Variants in MEGF11 observed in about 807,000 individuals in gnomAD.
MEGF11 encodes the protein multiple epidermal growth factor-like domains protein 11.
MEGF11 carries 126 observed loss-of-function variants against 146.6 expected under a neutral mutation model. The ratio of observed to expected loss-of-function variants is 0.86; its 90% CI spans 0.74 to 1.00. The LOEUF is 1.00. Among genes scored for constraint, MEGF11 ranks in the 50% least tolerant of loss-of-function variants. MEGF11 has a pLI of 0.00. For missense variants in MEGF11, 1,509 were observed against 1,521.2 expected, an observed-to-expected ratio of 0.99 and a Z score of 0.13; for synonymous variants, 532 against 583.4, an observed-to-expected ratio of 0.91 and a Z score of 1.27.
intron 1 of MEGF11, among the ~76,000 whole-genome samples, chr15:66,152,653 G>T (rs1354153079): frequency 6.6e-6 from 1 of 152,216 alleles, no homozygotes; most frequent in East Asian, 1.9e-4. Flanking sequence ...TCTCTGTGGA[G>T]AGAAGCACTG....
In MEGF11 at chr15:65,909,066, T is replaced by C; in HGVS notation, c.2966A>G (p.His989Arg). 4 of 1,534,562 alleles carry C rather than the reference T, an allele frequency of 2.6e-6. No individual in the cohort carries two copies. The highest frequency in any genetic ancestry group is 3.5e-6 in the Non-Finnish European group (4 of 1,146,402). Reference protein sequence around the residue: ...PPEDFYIELRHLSRPAEPHSP... With the variant: ...PPEDFYIELRRLSRPAEPHSP... ...GTGTGGCTCAGCGGGGCGGCTGAGG[T>C]GTCTAAGTTCAATGTAGAAGTCCTC... Residue 989 changes from histidine (H) to arginine (R), a missense_variant, in exon 23 of 26, where the codon CAC becomes CGC. By Grantham distance (29) the His-to-Arg change is conservative. Coordinates refer to ENST00000395614, the MANE Select transcript of MEGF11 (RefSeq NM_001385028.1).
intron 5 of MEGF11, among the ~76,000 whole-genome samples, chr15:66,069,675 C>T (rs1196876938): frequency 2.0e-5 from 3 of 152,166 alleles, no homozygotes; most frequent in African/African-American, 4.8e-5. Context: ...TAGTATCATC[C>T]TAGGTGATGG....
At chr15:65,967,741 G>A (rs938924465) in intron 8 of MEGF11, among the ~76,000 whole-genome samples, 20 of 152,140 alleles carry the variant, frequency 1.3e-4, no homozygotes, top group Non-Finnish European at 2.5e-4. Flanking sequence ...GACGGTGACT[G>A]GGGTCTGGCC....
chr15:65,957,469 G>T (rs333569), intron 10 of MEGF11, 78 bp downstream of exon 10: 1,240,078 of 1,418,832 alleles, frequency 0.87, 551,055 homozygotes, highest in Non-Finnish European at 0.92. Context: ...CAGGGCCACA[G>T]TCCTGATTGC....
At chr15:65,922,035 C>T (rs1321351627) in intron 15 of MEGF11, 1 of 398,952 alleles carries the variant, frequency 2.5e-6, no homozygotes, top group African/African-American at 2.1e-5. Flanking sequence ...TGATGCAGAT[C>T]TCTGTGCTTG....
intron 1 of MEGF11, among the ~76,000 whole-genome samples, chr15:66,156,498 G>A (rs2089762486): frequency 6.6e-6 from 1 of 152,022 alleles, no homozygotes. Flanking sequence ...CACAGCTGGG[G>A]ATCCAGTGGT....
chr15:66,068,464 C>T (rs1300528082), intron 5 of MEGF11, among the ~76,000 whole-genome samples: 1 of 152,180 alleles, frequency 6.6e-6, no homozygotes, highest in Non-Finnish European at 1.5e-5. Flanking sequence ...TGCCAAATGT[C>T]CCCTGGCATT....
At chr15:66,211,276 C>G (rs1597153947) in intron 1 of MEGF11, among the ~76,000 whole-genome samples, 1 of 152,316 alleles carries the variant, frequency 6.6e-6, no homozygotes, top group East Asian at 1.9e-4. Context: ...GTAATCTCAG[C>G]ACTTTGGGAG....
intron 7 of MEGF11, among the ~76,000 whole-genome samples, chr15:65,979,639 G>A (rs1241409489): frequency 1.3e-5 from 2 of 152,232 alleles, no homozygotes; most frequent in Admixed American, 6.5e-5. Flanking sequence ...CTTGGTCTGC[G>A]AGGCAGGCAC....
In MEGF11 at chr15:65,988,338, T is replaced by C. The variant is rs555934774; in HGVS notation, c.395-5850A>G. Among the ~76,000 whole-genome samples the C allele has an allele frequency of 7.9e-5, 12 of 152,304 alleles. 1 individual carries two copies. The South Asian group carries it at 2.5e-3, about 32-fold the overall frequency. ...CTTTATGAATTTGCCTGTTTAGATA[T>C]TTCTAGATTCTAAATGGAATCATAC... On this transcript the variant is annotated intron_variant, in intron 5 of 25. Coordinates refer to ENST00000395614, the MANE Select transcript of MEGF11 (RefSeq NM_001385028.1).
chr15:65,935,224 G>C (rs2079728654), intron 10 of MEGF11, among the ~76,000 whole-genome samples: 1 of 150,930 alleles, frequency 6.6e-6, no homozygotes, highest in African/African-American at 2.4e-5. Context: ...GGAGGCTGAG[G>C]CAGGGGAATC....
chr15:66,028,466 T>C (rs1415924281), intron 5 of MEGF11, among the ~76,000 whole-genome samples: 1 of 152,236 alleles, frequency 6.6e-6, no homozygotes, highest in Non-Finnish European at 1.5e-5. Flanking sequence ...CAAATGATCA[T>C]TTTGGAAAGC....
At chr15:65,984,387 G>A (rs1034178076) in intron 5 of MEGF11, among the ~76,000 whole-genome samples, 10 of 151,894 alleles carry the variant, frequency 6.6e-5, no homozygotes, top group African/African-American at 2.4e-4. Context: ...TTAGACTGGC[G>A]TGGCAGCATG....
chr15:66,145,327 G>A (rs1054082440), intron 1 of MEGF11, among the ~76,000 whole-genome samples: 7 of 149,826 alleles, frequency 4.7e-5, no homozygotes, highest in African/African-American at 1.7e-4. Flanking sequence ...AAACCCAAAG[G>A]GAAAAGGAGG....
intron 4 of MEGF11, among the ~76,000 whole-genome samples, chr15:66,109,590 C>CA (rs1319570371): frequency 3.3e-5 from 5 of 152,268 alleles, no homozygotes; most frequent in African/African-American, 9.6e-5. Context: ...TATGGAGAGG[C>CA]AAAACAACGT....
rs115079678 is a variant in MEGF11, at chr15:65,993,561, G to A, written c.395-11073C>T. Among the ~76,000 whole-genome samples, 851 of 152,272 alleles carry A rather than the reference G, an allele frequency of 5.6e-3. 14 individuals are homozygous for A. Among genetic ancestry groups the A allele is most frequent in the African/African-American group, 0.019 (785 of 41,534 alleles). On this transcript the variant is annotated intron_variant, in intron 5 of 25. Coordinates refer to ENST00000395614, the MANE Select transcript of MEGF11 (RefSeq NM_001385028.1). ...TTCAAAGGCAGCTGGCAGAGACACC[G>A]GGCTAGCCTTGTTGGTCCTGCACCC... is the stretch of plus-strand genomic sequence containing the variant.
At chr15:66,106,235 C>T (rs1234884443) in intron 4 of MEGF11, among the ~76,000 whole-genome samples, 2 of 152,222 alleles carry the variant, frequency 1.3e-5, no homozygotes, top group Non-Finnish European at 2.9e-5. Context: ...GAAGTGAAGG[C>T]ACAGCCTCTT....
At chr15:65,994,075 C>T (rs189213673) in intron 5 of MEGF11, among the ~76,000 whole-genome samples, 1 of 152,192 alleles carries the variant, frequency 6.6e-6, no homozygotes, top group African/African-American at 2.4e-5. Flanking sequence ...GTGTTTTCGA[C>T]CTGGATCCTC....
At chr15:66,148,590 G>C (rs1054910844) in intron 1 of MEGF11, among the ~76,000 whole-genome samples, 1 of 152,166 alleles carries the variant, frequency 6.6e-6, no homozygotes. Context: ...CCACCTCAGA[G>C]GCTGAGTAGC....
Sources: gnomAD v4.1 joint callset for allele counts (sites outside exome capture counted in the v4.1 genomes callset) on GRCh38, gnomAD v4.1.1 for gene constraint, MANE v1.5 for transcripts, NCBI Gene and HGNC (gene_info 2026-07-23, HGNC 2026-07-21) for gene names.